MEF2A: variants seen among roughly 807,000 people sequenced by gnomAD.
MEF2A encodes the protein myocyte-specific enhancer factor 2A.
MEF2A carries 28 observed loss-of-function variants against 55.8 expected under a neutral mutation model. The observed-to-expected ratio is 0.50, with a 90% CI of 0.37 to 0.69. MEF2A has a LOEUF of 0.69. Ranked by LOEUF, MEF2A falls within the 30% of genes least tolerant of loss-of-function variation. MEF2A has a pLI of 0.00. For synonymous variants in MEF2A, 239 were observed against 227.1 expected, an observed-to-expected ratio of 1.05 and a Z score of -0.47; for missense variants, 528 against 626.2, an observed-to-expected ratio of 0.84 and a Z score of 1.67.
chr15:99,697,843 T>C (rs1213888002), intron 8 of MEF2A, among the ~76,000 whole-genome samples: 1 of 152,218 alleles, frequency 6.6e-6, no homozygotes, highest in African/African-American at 2.4e-5. Context: ...AAAGCTATAG[T>C]AATCCAGAAA....
intron 3 of MEF2A, among the ~76,000 whole-genome samples, chr15:99,638,261 A>G (rs28451734): frequency 2.0e-5 from 3 of 150,442 alleles, no homozygotes; most frequent in African/African-American, 7.3e-5. Flanking sequence ...CTTAAAAAAA[A>G]TTTTTTTTTT....
chr15:99,644,786 C>T (rs762131647), intron 3 of MEF2A, among the ~76,000 whole-genome samples: 44 of 152,114 alleles, frequency 2.9e-4, no homozygotes, highest in Non-Finnish European at 6.3e-4. Context: ...TTTCCCATCC[C>T]GTATTAGAAG....
At chr15:99,640,699 G>A (rs964541135) in intron 3 of MEF2A, among the ~76,000 whole-genome samples, 1 of 151,556 alleles carries the variant, frequency 6.6e-6, no homozygotes, top group Non-Finnish European at 1.5e-5. Context: ...ATGGGTATGC[G>A]CACCATGCCT....
Position 99,570,979 on chromosome 15 carries a change from G to GT in MEF2A, c.-225+4878dup, listed in dbSNP as rs1384389347. On this transcript the variant is annotated intron_variant, in intron 1 of 11. Transcript: ENST00000557942. ...GCGGGCAGATCACCTGAGGTCGGGA[G>GT]TTTGAGACCAACCTGGCCAACGTGG... Among the ~76,000 whole-genome samples, 9 of 152,166 alleles carry GT rather than the reference G, an allele frequency of 5.9e-5. No individual in the cohort carries two copies. The South Asian group carries it at 1.5e-3, about 25-fold the overall frequency.
chr15:99,687,362 T>C (rs2054486990), intron 7 of MEF2A, among the ~76,000 whole-genome samples: 1 of 152,152 alleles, frequency 6.6e-6, no homozygotes, highest in Non-Finnish European at 1.5e-5. Flanking sequence ...TACAGGGGTG[T>C]GTGGGTGTGT....
At chr15:99,711,590 C>T (rs2058648058) in intron 11 of MEF2A, among the ~76,000 whole-genome samples, 1 of 152,176 alleles carries the variant, frequency 6.6e-6, no homozygotes, top group Middle Eastern at 3.2e-3. Flanking sequence ...GCTGCCTTGC[C>T]TGTGCTCTGG....
At chr15:99,711,805 C>T (rs990956420) in intron 11 of MEF2A, among the ~76,000 whole-genome samples, 1 of 152,242 alleles carries the variant, frequency 6.6e-6, no homozygotes, top group African/African-American at 2.4e-5. Context: ...TCAGGCCTGT[C>T]CTGAGCATCC....
rs147362248 is a variant in MEF2A at position 99,582,965 on chromosome 15, G to A, written c.-224-15465G>A. The stretch of plus-strand genomic sequence containing the variant: ...CCCAGTTCTCTTCCACGGAAGAAGG[G>A]ATATCATAGTGTAAGCAAAGGGGAT... On this transcript the variant is annotated intron_variant, in intron 1 of 11. Transcript: ENST00000557942. 3.0e-3 allele frequency among the ~76,000 whole-genome samples: 457 copies of A among 152,158 alleles called. 4 individuals carry two copies. Among genetic ancestry groups the A allele is most frequent in the African/African-American group, 0.01 (429 of 41,530 alleles).
At chr15:99,575,725 T>C (rs1483218657) in intron 1 of MEF2A, among the ~76,000 whole-genome samples, 6 of 152,252 alleles carry the variant, frequency 3.9e-5, no homozygotes, top group Non-Finnish European at 7.3e-5. Flanking sequence ...AATCACTTAC[T>C]ACACAGAATT....
chr15:99,640,967 G>A (rs2044794784), intron 3 of MEF2A, among the ~76,000 whole-genome samples: 1 of 152,044 alleles, frequency 6.6e-6, no homozygotes, highest in Non-Finnish European at 1.5e-5. Flanking sequence ...TATCTAGTTT[G>A]ATCCATCTCT....
At chr15:99,640,112 G>A (rs1400111892) in intron 3 of MEF2A, among the ~76,000 whole-genome samples, 1 of 152,110 alleles carries the variant, frequency 6.6e-6, no homozygotes, top group Non-Finnish European at 1.5e-5. Context: ...TCCGAATGGA[G>A]TTGGGTAAAT....
intron 7 of MEF2A, among the ~76,000 whole-genome samples, chr15:99,683,712 A>T (rs200667569): frequency 6.9e-4 from 4 of 5,828 alleles, no homozygotes; most frequent in Admixed American, 7.7e-3. Context: ...GCCTTTTATT[A>T]AAAAAAAAAA....
chr15:99,616,177 A>G (rs1398211375), intron 2 of MEF2A, among the ~76,000 whole-genome samples: 7 of 152,188 alleles, frequency 4.6e-5, no homozygotes, highest in Non-Finnish European at 1.5e-5. Context: ...ATACTTAAAA[A>G]TAAATAATAG....
At position 99,712,479 on chromosome 15, in the gene MEF2A, G is replaced by A. The variant is rs752428663; in HGVS notation, c.1226G>A (p.Arg409Gln). ...SIKSEPISPP[R>Q]DRMTPSGFQQ... ...AAGTCCGAACCGATTTCACCTCCTC[G>A]GGATCGTATGACCCCATCGGGCTTC... The change falls in exon 12 of 12, where the codon CGG becomes CAG. Residue 409 changes from arginine (R) to glutamine (Q), a missense_variant. By Grantham distance (43) the Arg-to-Gln change is conservative (BLOSUM62 1). Around this residue, in one of 2 missense-constraint regions of MEF2A, gnomAD observed 450 missense variants for 475.3 expected, o/e 0.95. Transcript: ENST00000557942. This position sits in a 1 kb window ranked among gnomAD's most constrained non-coding sequence, Gnocchi z 4.1. The A allele has an allele frequency of 1.8e-5, 28 of 1,551,278 alleles. No homozygotes were observed. Among genetic ancestry groups the A allele is most frequent in the Non-Finnish European group, 2.2e-5 (25 of 1,146,948 alleles).
intron 1 of MEF2A, among the ~76,000 whole-genome samples, chr15:99,580,950 A>G (rs1006021072): frequency 2.6e-5 from 4 of 151,974 alleles, no homozygotes; most frequent in African/African-American, 9.7e-5. Flanking sequence ...TTGACTCTAC[A>G]CTTGTTATTG....
intron 1 of MEF2A, among the ~76,000 whole-genome samples, chr15:99,574,971 T>C (rs1963787347): frequency 6.6e-6 from 1 of 152,202 alleles, no homozygotes; most frequent in Admixed American, 6.5e-5. Flanking sequence ...GTTATTATCA[T>C]TAACATATCA....
intron 4 of MEF2A, among the ~76,000 whole-genome samples, chr15:99,664,387 G>A (rs764874092): frequency 1.8e-4 from 28 of 152,296 alleles, no homozygotes; most frequent in Middle Eastern, 6.8e-3. Context: ...GGGCTCCATG[G>A]TCTCTCATCT....
rs1357072126 is a variant in MEF2A, at chr15:99,690,234, C to T, written c.671-7C>T. 3.1e-6 allele frequency: 5 copies of T among 1,611,292 alleles called. No homozygotes were observed. On this transcript the variant is annotated splice_region_variant and splice_polypyrimidine_tract_variant and intron_variant, in intron 7 of 11. Transcript: ENST00000557942. ...CTCACTTTATTGAATGATATTTTTC[C>T]CCCCAGGGAATGGATTTGTAAACTC... is the stretch of plus-strand genomic sequence containing the variant.
At chr15:99,583,557 C>G (rs764540814) in intron 1 of MEF2A, among the ~76,000 whole-genome samples, 5 of 151,976 alleles carry the variant, frequency 3.3e-5, no homozygotes, top group Admixed American at 1.3e-4. Context: ...GTGATGGATT[C>G]CAGTCACCAT....
Sources: allele counts gnomAD v4.1 joint callset (sites outside exome capture counted in the v4.1 genomes callset), GRCh38; gene constraint gnomAD v4.1.1; regional missense constraint gnomAD v4.1.1; non-coding constraint Gnocchi (gnomAD v3.1); transcripts MANE v1.5; gene names NCBI Gene and HGNC (gene_info 2026-07-23, HGNC 2026-07-21).